DLGAP1: variants seen among roughly 807,000 people sequenced by gnomAD.
The protein encoded by DLGAP1 is disks large-associated protein 1.
A neutral mutation model predicts 90.8 loss-of-function variants in DLGAP1; 11 were observed. That is an observed-to-expected ratio of 0.12 (90% CI 0.08 to 0.20). The LOEUF (loss-of-function observed/expected upper bound fraction) is 0.20. Among genes scored for constraint, DLGAP1 ranks in the 10% least tolerant of loss-of-function variants. The pLI is 1.00. For synonymous variants in DLGAP1, 558 were observed against 540.7 expected (o/e 1.03, Z -0.44); for missense variants, 1,050 against 1,333.8 (o/e 0.79, Z 3.31).
intron 9 of DLGAP1, among the ~76,000 whole-genome samples, chr18:3,535,492 GGTC>G (rs2052307966): frequency 1.3e-5 from 2 of 151,946 alleles, no homozygotes; most frequent in Admixed American, 1.3e-4. Flanking sequence ...CGGATCACAA[GGTC>G]AGGGGATCGA....
rs544678458 is a variant in DLGAP1 at position 4,316,416 on chromosome 18, T to C, written c.-267+138590A>G. Among the ~76,000 whole-genome samples the C allele has an allele frequency of 2.4e-4, 36 of 152,186 alleles. 1 individual carries two copies. The highest frequency in any genetic ancestry group is 4.6e-4 in the Non-Finnish European group (31 of 68,022). ...GCTGTCACATGTTTGATGGGGAAGA[T>C]GGGAATCAGGCAGGGTCGGGTGGCA... On this transcript the variant is annotated intron_variant, in intron 1 of 12. Coordinates refer to ENST00000315677, the MANE Select transcript of DLGAP1 (RefSeq NM_004746.4).
intron 2 of DLGAP1, among the ~76,000 whole-genome samples, chr18:4,081,396 A>G (rs567916366): frequency 8.5e-5 from 13 of 152,088 alleles, no homozygotes; most frequent in African/African-American, 3.1e-4. Context: ...AAAAAGAGGA[A>G]TTTTCTTATA....
At chr18:4,194,428 T>C (rs79174315) in intron 1 of DLGAP1, among the ~76,000 whole-genome samples, 1 of 152,308 alleles carries the variant, frequency 6.6e-6, no homozygotes, top group Non-Finnish European at 1.5e-5. Flanking sequence ...TTATTACAGA[T>C]AAAATATTAT....
chr18:3,765,194 C>G (rs1301472615), intron 5 of DLGAP1, among the ~76,000 whole-genome samples: 1 of 130,614 alleles, frequency 7.7e-6, no homozygotes, highest in African/African-American at 3.1e-5. Context: ...GTGGCGCAGT[C>G]TCGGCTCATT....
chr18:4,069,615 A>T (rs1158764011), intron 2 of DLGAP1, among the ~76,000 whole-genome samples: 1 of 152,148 alleles, frequency 6.6e-6, no homozygotes, highest in Non-Finnish European at 1.5e-5. Flanking sequence ...TGCTCTGGCC[A>T]TGTGACATGC....
At chr18:3,806,200 A>AT (rs1351293721) in intron 5 of DLGAP1, among the ~76,000 whole-genome samples, 1 of 152,374 alleles carries the variant, frequency 6.6e-6, no homozygotes, top group East Asian at 1.9e-4. Context: ...TGCTGACAAA[A>AT]TAGTAACCTG....
intron 1 of DLGAP1, among the ~76,000 whole-genome samples, chr18:4,175,858 T>C (rs1263011186): frequency 2.6e-5 from 4 of 152,186 alleles, no homozygotes; most frequent in Non-Finnish European, 5.9e-5. Context: ...AGTCGGGTAG[T>C]GTGATGCCTC....
At chr18:4,320,097 T>A (rs1007665850) in intron 1 of DLGAP1, among the ~76,000 whole-genome samples, 3 of 152,032 alleles carry the variant, frequency 2.0e-5, no homozygotes, top group Admixed American at 6.6e-5. Context: ...GAGAGCAGAG[T>A]AGAAGGTCCT....
intron 4 of DLGAP1, among the ~76,000 whole-genome samples, chr18:3,871,975 C>G (rs1266941733): frequency 6.6e-6 from 1 of 152,092 alleles, no homozygotes; most frequent in Non-Finnish European, 1.5e-5. Flanking sequence ...GGGAAGTTTC[C>G]TAATTCTGTG....
intron 1 of DLGAP1, among the ~76,000 whole-genome samples, chr18:4,376,592 C>T (rs2082018547): frequency 6.6e-6 from 1 of 152,046 alleles, no homozygotes; most frequent in South Asian, 2.1e-4. Flanking sequence ...TAGTTTTAGA[C>T]CAAAGATAAC....
intron 4 of DLGAP1, among the ~76,000 whole-genome samples, chr18:3,833,182 CT>C (rs1205247844): frequency 6.2e-4 from 16 of 25,950 alleles, no homozygotes; most frequent in East Asian, 3.1e-3. Context: ...TCCTTCCTTC[CT>C]TCCTTCCTTC....
At chr18:3,954,476 T>C (rs1187458662) in intron 3 of DLGAP1, among the ~76,000 whole-genome samples, 1 of 152,222 alleles carries the variant, frequency 6.6e-6, no homozygotes, top group Admixed American at 6.5e-5. Context: ...CATTAAACAA[T>C]ATTTTTACTA....
At chr18:4,019,596 C>T (rs1156437881) in intron 2 of DLGAP1, among the ~76,000 whole-genome samples, 2 of 151,902 alleles carry the variant, frequency 1.3e-5, no homozygotes, top group African/African-American at 4.8e-5. Context: ...TGGCACTTCA[C>T]AGATTTGTTT....
chr18:4,403,153 T>G (rs2082591847), intron 1 of DLGAP1, among the ~76,000 whole-genome samples: 1 of 152,178 alleles, frequency 6.6e-6, no homozygotes. Flanking sequence ...AGTTGATATG[T>G]TATAGGCCCT....
intron 7 of DLGAP1, among the ~76,000 whole-genome samples, chr18:3,600,799 T>TAG (rs1568278232): frequency 1.9e-5 from 1 of 53,244 alleles, no homozygotes; most frequent in African/African-American, 8.7e-5. Flanking sequence ...TATAGATATA[T>TAG]AGATATATAG....
chr18:4,388,194 G>C (rs1321390063), intron 1 of DLGAP1, among the ~76,000 whole-genome samples: 1 of 152,008 alleles, frequency 6.6e-6, no homozygotes, highest in Non-Finnish European at 1.5e-5. Context: ...ATGCTAAAGA[G>C]TGTTAAGAAA....
chr18:4,152,162 C>T (rs973637567), intron 1 of DLGAP1, among the ~76,000 whole-genome samples: 7 of 151,776 alleles, frequency 4.6e-5, no homozygotes, highest in Non-Finnish European at 8.8e-5. Flanking sequence ...GATCTGATGT[C>T]GAAAAGTGTA....
intron 1 of DLGAP1, among the ~76,000 whole-genome samples, chr18:4,433,495 C>T (rs1450215006): frequency 6.6e-6 from 1 of 152,176 alleles, no homozygotes; most frequent in African/African-American, 2.4e-5. Context: ...TGTGTCCATA[C>T]ACTGATGGAT....
At chr18:3,978,921 A>G (rs1263370176) in intron 3 of DLGAP1, among the ~76,000 whole-genome samples, 1 of 152,184 alleles carries the variant, frequency 6.6e-6, no homozygotes, top group Non-Finnish European at 1.5e-5. Flanking sequence ...GTACGTGGAA[A>G]GTGTACGTAG....
Sources: allele counts gnomAD v4.1 joint callset (sites outside exome capture counted in the v4.1 genomes callset), GRCh38; gene constraint gnomAD v4.1.1; transcripts MANE v1.5; gene names NCBI Gene and HGNC (gene_info 2026-07-23, HGNC 2026-07-21).